Variants in SCTR observed in about 807,000 individuals in gnomAD.
SCTR encodes the protein pancreatic secretin receptor.
Under a neutral mutation model 60.8 loss-of-function variants are expected in SCTR, and 56 were observed. That is an observed-to-expected ratio of 0.92 (90% CI 0.74 to 1.15). The LOEUF (loss-of-function observed/expected upper bound fraction) is 1.15, where lower values mean the gene tolerates loss of function less well. Among genes scored for constraint, SCTR ranks in the 50% most tolerant of loss-of-function variants. The pLI is 0.00. For synonymous variants in SCTR, 202 were observed against 217.0 expected, an observed-to-expected ratio of 0.93 and a Z score of 0.61; for missense variants, 562 against 550.4, an observed-to-expected ratio of 1.02 and a Z score of -0.21.
At chr2:119,457,684 G>A (rs1573815555) in intron 7 of SCTR, among the ~76,000 whole-genome samples, 1 of 146,972 alleles carries the variant, frequency 6.8e-6, no homozygotes, top group Admixed American at 6.7e-5. Flanking sequence ...CTGCACTCCA[G>A]CTTGGGCCAA....
chr2:119,494,359 C>T, intron 2 of SCTR, 69 bp downstream of exon 2: 1 of 1,553,190 alleles, frequency 6.4e-7, no homozygotes, highest in Non-Finnish European at 8.8e-7. Flanking sequence ...AGGATAAGCT[C>T]CCCCTGCCCA....
At chr2:119,454,174 A>G (rs959617265) in intron 7 of SCTR, among the ~76,000 whole-genome samples, 2 of 152,138 alleles carry the variant, frequency 1.3e-5, no homozygotes, top group Admixed American at 6.5e-5. Context: ...GTCTGGGGCA[A>G]TGCCGCTGGG....
chr2:119,461,875 G>T lies in SCTR; in HGVS notation c.762C>A (p.Tyr254Ter). ...LAISFFSERK[Y>*]LQGFVAFGWG... Reference sequence around the variant, plus strand: ...ATCCGAATGCCACAAATCCCTGGAGGTACTTTCTTTCAGAGAAGAAGGAGA... The same window carrying T: ...ATCCGAATGCCACAAATCCCTGGAGTTACTTTCTTTCAGAGAAGAAGGAGA... Residue 254 changes from tyrosine (Y) to a stop codon, truncating the protein, a stop_gained, in exon 7 of 13, where the codon TAC becomes TAA. Transcript: ENST00000019103. LOFTEE classifies it high-confidence loss of function. 2 of 1,613,918 alleles carry T rather than the reference G, an allele frequency of 1.2e-6. No homozygotes were observed. Among genetic ancestry groups the T allele is most frequent in the Non-Finnish European group, 1.7e-6 (2 of 1,179,924 alleles).
chr2:119,455,125 C>T (rs1187705015), intron 7 of SCTR, among the ~76,000 whole-genome samples: 1 of 152,132 alleles, frequency 6.6e-6, no homozygotes, highest in African/African-American at 2.4e-5. Context: ...GTCCCCGGGC[C>T]GCTCAGTTTT....
Position 119,473,544 on chromosome 2 carries a change from C to T in SCTR, c.314G>A (p.Arg105Gln), listed in dbSNP as rs1488194173. Residue 105 changes from arginine (R) to glutamine (Q), a missense_variant, in exon 4 of 13, where the codon CGA (arginine) becomes CAA (glutamine). Coordinates refer to ENST00000019103, the MANE Select transcript of SCTR (RefSeq NM_002980.3). ...MLTSRNGSLF[R>Q]NCTQDGWSET... Reference sequence around the variant, plus strand: ...TGACCAGCCATCCTGTGTGCAGTTTCGGAACAAGGAACCTGTGGGTGCCAA... The same window carrying T: ...TGACCAGCCATCCTGTGTGCAGTTTTGGAACAAGGAACCTGTGGGTGCCAA... 1.2e-6 allele frequency: 2 copies of T among 1,613,546 alleles called. No homozygotes were observed. Among genetic ancestry groups the T allele is most frequent in the Non-Finnish European group, 1.7e-6 (2 of 1,179,506 alleles).
chr2:119,520,713 G>A (rs1372152896), intron 1 of SCTR, among the ~76,000 whole-genome samples: 1 of 152,152 alleles, frequency 6.6e-6, no homozygotes, highest in Non-Finnish European at 1.5e-5. Flanking sequence ...AAGGGAGGGT[G>A]GAATAGATCA....
At chr2:119,502,312 A>T (rs1678580399) in intron 1 of SCTR, among the ~76,000 whole-genome samples, 1 of 152,230 alleles carries the variant, frequency 6.6e-6, no homozygotes, top group African/African-American at 2.4e-5. Context: ...TTAGGCATAA[A>T]TCCAGCAAAA....
chr2:119,486,685 G>C (rs17048564), intron 2 of SCTR: 2,842 of 152,250 alleles, frequency 0.019, 40 homozygotes, highest in South Asian at 0.054. Flanking sequence ...TGCGATCCTG[G>C]GCCCCTTGGA....
chr2:119,456,632 GA>G (rs1240808768), intron 7 of SCTR, among the ~76,000 whole-genome samples: 10 of 152,162 alleles, frequency 6.6e-5, no homozygotes, highest in South Asian at 4.2e-4. Flanking sequence ...GAAAGCTCTA[GA>G]AAAAAACACT....
chr2:119,450,915 G>A (rs1044603398), intron 9 of SCTR, among the ~76,000 whole-genome samples: 1 of 152,216 alleles, frequency 6.6e-6, no homozygotes, highest in Non-Finnish European at 1.5e-5. Flanking sequence ...TGAGTCATGG[G>A]TTGCGCCACT....
At chr2:119,473,250 C>T (rs529045432) in intron 4 of SCTR, among the ~76,000 whole-genome samples, 5 of 152,286 alleles carry the variant, frequency 3.3e-5, no homozygotes, top group East Asian at 3.9e-4. Context: ...CCATCATCTC[C>T]GGGTCGATAG....
At chr2:119,479,357 A>G in intron 2 of SCTR, 1 of 864,054 alleles carries the variant, frequency 1.2e-6, no homozygotes, top group Non-Finnish European at 1.4e-6. Context: ...CGTGGCACAC[A>G]GGGATCCTGC....
intron 2 of SCTR, among the ~76,000 whole-genome samples, chr2:119,493,588 AT>A (rs1678219990): frequency 6.6e-6 from 1 of 151,968 alleles, no homozygotes; most frequent in African/African-American, 2.4e-5. Flanking sequence ...AACACACTTT[AT>A]CTCATTTATC....
At chr2:119,513,375 C>A (rs1679016878) in intron 1 of SCTR, among the ~76,000 whole-genome samples, 1 of 152,128 alleles carries the variant, frequency 6.6e-6, no homozygotes, top group Non-Finnish European at 1.5e-5. Context: ...GTCAATCTGT[C>A]ATCTTAAACT....
intron 2 of SCTR, among the ~76,000 whole-genome samples, chr2:119,483,986 C>T (rs72963146): frequency 0.038 from 5,797 of 152,166 alleles, 152 homozygotes; most frequent in African/African-American, 0.072. Flanking sequence ...AGAGCGCTCC[C>T]AGCTTAGCTT....
intron 9 of SCTR, among the ~76,000 whole-genome samples, chr2:119,449,805 C>A (rs943132220): frequency 6.6e-6 from 1 of 152,072 alleles, no homozygotes; most frequent in Non-Finnish European, 1.5e-5. Flanking sequence ...TTCGGGGAAC[C>A]CTGCTTCTCT....
chr2:119,445,604 C>T (rs1682896115), intron 11 of SCTR, among the ~76,000 whole-genome samples: 1 of 152,282 alleles, frequency 6.6e-6, no homozygotes, highest in African/African-American at 2.4e-5. Flanking sequence ...GAGGCCACCC[C>T]AGTGAAAGCT....
intron 7 of SCTR, among the ~76,000 whole-genome samples, chr2:119,460,668 C>A (rs1392559253): frequency 3.3e-5 from 5 of 152,152 alleles, no homozygotes; most frequent in Non-Finnish European, 5.9e-5. Flanking sequence ...CAATGCCTGG[C>A]ACATAGCAAG....
intron 1 of SCTR, among the ~76,000 whole-genome samples, chr2:119,517,917 G>C (rs895510705): frequency 6.6e-6 from 1 of 152,150 alleles, no homozygotes; most frequent in African/African-American, 2.4e-5. Flanking sequence ...TGGAGGTAGG[G>C]CCCATAAGGA....
Sources: gnomAD v4.1 joint callset for allele counts (sites outside exome capture counted in the v4.1 genomes callset) on GRCh38, gnomAD v4.1.1 for gene constraint, MANE v1.5 for transcripts, NCBI Gene and HGNC (gene_info 2026-07-23, HGNC 2026-07-21) for gene names.